Variants in FBXL17 observed in about 807,000 individuals in gnomAD.
The protein encoded by FBXL17 is F-box and leucine rich repeat protein 17.
Under a neutral mutation model 66.2 loss-of-function variants are expected in FBXL17, and 22 were observed. The observed-to-expected ratio is 0.33, with a 90% CI of 0.24 to 0.47. The LOEUF (loss-of-function observed/expected upper bound fraction) is 0.47. Ranked by LOEUF, FBXL17 falls within the 20% of genes least tolerant of loss-of-function variation. FBXL17 has a pLI of 1.00. For missense variants in FBXL17, 878 were observed against 948.2 expected (o/e 0.93, Z 0.97); for synonymous variants, 474 against 400.5 (o/e 1.18, Z -2.19).
intron 4 of FBXL17, among the ~76,000 whole-genome samples, chr5:108,244,366 T>C (rs1407466213): frequency 6.6e-6 from 1 of 152,172 alleles, no homozygotes; most frequent in African/African-American, 2.4e-5. Flanking sequence ...ATTACTGGAA[T>C]GTGTGTCTAG....
chr5:108,047,734 G>A (rs1167103481), intron 6 of FBXL17, among the ~76,000 whole-genome samples: 2 of 152,172 alleles, frequency 1.3e-5, no homozygotes, highest in African/African-American at 2.4e-5. Context: ...ACTGGGTATG[G>A]CCTCCCTGCA....
chr5:108,118,464 G>A (rs1750350149), intron 6 of FBXL17, among the ~76,000 whole-genome samples: 1 of 152,136 alleles, frequency 6.6e-6, no homozygotes, highest in Non-Finnish European at 1.5e-5. Context: ...GCCTCCACAT[G>A]GGTAAGATCT....
At chr5:107,873,380 T>C (rs1041209330) in intron 8 of FBXL17, among the ~76,000 whole-genome samples, 6 of 152,236 alleles carry the variant, frequency 3.9e-5, no homozygotes, top group Non-Finnish European at 8.8e-5. Context: ...GACTGGAATA[T>C]AGTAAGCCAC....
intron 7 of FBXL17, among the ~76,000 whole-genome samples, chr5:107,900,182 T>C (rs1749525637): frequency 1.3e-5 from 2 of 152,212 alleles, no homozygotes; most frequent in Admixed American, 6.5e-5. Context: ...AATAAGTTTA[T>C]TAACAAGACT....
At chr5:108,278,315 G>A (rs933133106) in intron 4 of FBXL17, among the ~76,000 whole-genome samples, 2 of 152,194 alleles carry the variant, frequency 1.3e-5, no homozygotes, top group African/African-American at 4.8e-5. Context: ...GAAACAGTAA[G>A]ATGCTATTCT....
rs1748082012 is a variant in FBXL17 at position 107,860,119 on chromosome 5, C to A, written c.*1601G>T. On this transcript the variant is annotated 3_prime_UTR_variant, in exon 9 of 9. Transcript: ENST00000542267. ...AACATGTTGACATAATCAAAGGAAACAGTTGTTTACAAAAAAAGAGAATCA... is the reference window on the plus strand; with the variant it reads ...AACATGTTGACATAATCAAAGGAAAAAGTTGTTTACAAAAAAAGAGAATCA... 6.6e-6 allele frequency: 1 copy of A among 152,136 alleles called. No homozygotes were observed. The highest frequency in any genetic ancestry group is 6.5e-5 in the Admixed American group (1 of 15,278). The allele number at this position is 152,136 out of a possible 1,614,324, so 9.4% of individuals were successfully genotyped here.
chr5:108,048,788 C>G (rs985179031), intron 6 of FBXL17, among the ~76,000 whole-genome samples: 6 of 152,132 alleles, frequency 3.9e-5, no homozygotes, highest in African/African-American at 1.4e-4. Flanking sequence ...AACAGAGCCT[C>G]TGAGAAATAT....
At chr5:108,303,631 T>C (rs910489333) in intron 4 of FBXL17, among the ~76,000 whole-genome samples, 1 of 151,980 alleles carries the variant, frequency 6.6e-6, no homozygotes, top group African/African-American at 2.4e-5. Context: ...AAAGTGGAAG[T>C]ATTTTAACTA....
chr5:108,365,718 A>C (rs759466954), intron 2 of FBXL17, among the ~76,000 whole-genome samples: 2 of 152,072 alleles, frequency 1.3e-5, no homozygotes, highest in Non-Finnish European at 2.9e-5. Context: ...AAGTGTGGGT[A>C]GTCTTGTGGG....
chr5:108,187,461 T>C (rs1753283938), intron 5 of FBXL17, among the ~76,000 whole-genome samples: 1 of 152,178 alleles, frequency 6.6e-6, no homozygotes, highest in South Asian at 2.1e-4. Context: ...GTAGTCCCAG[T>C]GTAATCACTG....
Position 108,382,020 on chromosome 5 carries a change from G to T in FBXL17, c.-329C>A, listed in dbSNP as rs930820344. ...GGCCAGCCGGCTCAGTCAGTCAGCGGAGCGGCCGGGGAAAGGCCGGGTCCC... is the reference window on the plus strand; with the variant it reads ...GGCCAGCCGGCTCAGTCAGTCAGCGTAGCGGCCGGGGAAAGGCCGGGTCCC... On this transcript the variant is annotated 5_prime_UTR_variant, in exon 1 of 9. Transcript: ENST00000542267. 79 of 1,100,196 alleles carry T rather than the reference G, an allele frequency of 7.2e-5. No individual in the cohort carries two copies. In the East Asian group the frequency reaches 2.4e-3, roughly 34 times the overall value. 68.2% of individuals were successfully genotyped at this position (1,100,196 alleles called of 1,614,324 possible).
At chr5:108,061,414 GAAGA>G (rs745369308) in intron 6 of FBXL17, among the ~76,000 whole-genome samples, 28 of 152,220 alleles carry the variant, frequency 1.8e-4, no homozygotes, top group Non-Finnish European at 3.5e-4. Flanking sequence ...AAGAGGAAGA[GAAGA>G]GAGAAAATGA....
At chr5:108,279,896 CTT>C (rs1757634750) in intron 4 of FBXL17, among the ~76,000 whole-genome samples, 1 of 151,792 alleles carries the variant, frequency 6.6e-6, no homozygotes, top group Non-Finnish European at 1.5e-5. Flanking sequence ...GAAGACAACT[CTT>C]TTGAAATAAT....
intron 4 of FBXL17, among the ~76,000 whole-genome samples, chr5:108,233,385 C>A (rs1755458337): frequency 6.6e-6 from 1 of 152,094 alleles, no homozygotes; most frequent in Non-Finnish European, 1.5e-5. Flanking sequence ...AAAGCTCCTG[C>A]CTGGAACACC....
Position 107,881,170 on chromosome 5 carries a change from G to A in FBXL17, c.1832C>T (p.Ala611Val). The A allele has an allele frequency of 6.2e-7, 1 of 1,603,274 alleles. No homozygotes were observed. The change falls in exon 8 of 9, where the codon GCC becomes GTC. Residue 611 changes from alanine to valine, a missense_variant. Physicochemically the swap from Ala to Val is moderately conservative, Grantham distance 64. Around this residue, in one of 4 missense-constraint regions of FBXL17, gnomAD observed 236 missense variants for 389.1 expected, o/e 0.61. Coordinates refer to ENST00000542267, the MANE Select transcript of FBXL17 (RefSeq NM_001163315.3). Reference sequence around the variant, plus strand: ...TATTGTCATGCTGTATCGCCCAATGGCTATCAGTGCTGCAAGAAGGGACGC... The same window carrying A: ...TATTGTCATGCTGTATCGCCCAATGACTATCAGTGCTGCAAGAAGGGACGC... ...SCKITDYALI[A>V]IGRYSMTIET...
intron 6 of FBXL17, among the ~76,000 whole-genome samples, chr5:108,178,238 G>A (rs1752870965): frequency 6.6e-6 from 1 of 151,938 alleles, no homozygotes; most frequent in African/African-American, 2.4e-5. Context: ...TATAAAGACG[G>A]GGTTTCACCA....
At chr5:108,072,583 C>A (rs1237828967) in intron 6 of FBXL17, among the ~76,000 whole-genome samples, 1 of 152,190 alleles carries the variant, frequency 6.6e-6, no homozygotes, top group African/African-American at 2.4e-5. Flanking sequence ...TGGCGGGTGC[C>A]TGTAGTCCCA....
intron 6 of FBXL17, among the ~76,000 whole-genome samples, chr5:108,113,011 T>C (rs554573378): frequency 6.6e-6 from 1 of 152,264 alleles, no homozygotes; most frequent in South Asian, 2.1e-4. Context: ...CTACCTCCAT[T>C]TACAGACAGA....
intron 8 of FBXL17, among the ~76,000 whole-genome samples, chr5:107,876,430 G>C (rs576525581): frequency 6.6e-6 from 1 of 152,126 alleles, no homozygotes; most frequent in Non-Finnish European, 1.5e-5. Flanking sequence ...CTTTTCACAA[G>C]GGTTTGGCAT....
Sources: gnomAD v4.1 joint callset for allele counts (sites outside exome capture counted in the v4.1 genomes callset) on GRCh38, gnomAD v4.1.1 for gene constraint, gnomAD v4.1.1 regional missense constraint, MANE v1.5 for transcripts, NCBI Gene and HGNC (gene_info 2026-07-23, HGNC 2026-07-21) for gene names.